The following CD200R1L variants were observed in gnomAD, a reference collection of about 807,000 sequenced individuals.
The protein encoded by CD200R1L is CD200 receptor 1 like.
CD200R1L carries 14 observed loss-of-function variants against 24.8 expected under a neutral mutation model. The ratio of observed to expected loss-of-function variants is 0.56; its 90% CI spans 0.37 to 0.88. The LOEUF (loss-of-function observed/expected upper bound fraction) is 0.88, where lower values mean the gene tolerates loss of function less well. Among genes scored for constraint, CD200R1L ranks in the 40% least tolerant of loss-of-function variants. CD200R1L has a pLI of 0.00. For synonymous variants in CD200R1L, 111 were observed against 109.2 expected (o/e 1.02, Z -0.11); for missense variants, 299 against 297.8 (o/e 1.00, Z -0.03).
intron 7 of CD200R1L, among the ~76,000 whole-genome samples, chr3:112,817,992 A>G (rs906319674): frequency 2.0e-5 from 3 of 152,214 alleles, no homozygotes; most frequent in African/African-American, 7.2e-5. Flanking sequence ...TAAACCTATC[A>G]GATCTTGAGA....
At chr3:112,843,044 A>G (rs565428099) in intron 2 of CD200R1L, among the ~76,000 whole-genome samples, 2 of 152,312 alleles carry the variant, frequency 1.3e-5, no homozygotes, top group South Asian at 2.1e-4. Context: ...GAGTCTGCCA[A>G]GCTCAGAGGA....
intron 6 of CD200R1L, 143 bp downstream of exon 6, chr3:112,826,850 G>T: frequency 1.1e-6 from 1 of 914,032 alleles, no homozygotes; most frequent in Non-Finnish European, 1.6e-6. Context: ...AGATTCTAGC[G>T]TTGTAATGCA....
intron 2 of CD200R1L, 135 bp downstream of exon 2, chr3:112,845,543 TG>T: frequency 1.5e-6 from 1 of 680,170 alleles, no homozygotes; most frequent in Non-Finnish European, 2.5e-6. Context: ...GGAGTTTTGC[TG>T]GATAATGTAC....
chr3:112,834,983 T>A (rs368552815), intron 3 of CD200R1L, among the ~76,000 whole-genome samples: 8 of 152,132 alleles, frequency 5.3e-5, no homozygotes, highest in African/African-American at 1.9e-4. Context: ...AGGGAGCTCC[T>A]AGGTCTGGGC....
intron 6 of CD200R1L, among the ~76,000 whole-genome samples, chr3:112,824,626 GA>G: frequency 6.6e-6 from 1 of 152,288 alleles, no homozygotes; most frequent in African/African-American, 2.4e-5. Flanking sequence ...TTAAGAAAAC[GA>G]AAAAGTTGAC....
In CD200R1L at chr3:112,827,433, A is replaced by G. The variant is rs1938689995; in HGVS notation, c.301T>C (p.Tyr101His). The change falls in exon 5 of 8, where the codon TAT becomes CAT. Residue 101 changes from tyrosine to histidine, a missense_variant. Transcript: ENST00000488794. The stretch of plus-strand genomic sequence containing the variant: ...GGTGTTACCACTATGCCTCTGTAAT[A>G]CCCGTCATGAGTGGTGTCCACCGGA... ...IRPVDTTHDG[Y>H]YRGIVVTPDG... is the part of the protein sequence containing the mutation. 1.9e-6 allele frequency: 3 copies of G among 1,614,116 alleles called. No individual in the cohort carries two copies.
At chr3:112,833,804 C>T (rs528980607) in intron 3 of CD200R1L, among the ~76,000 whole-genome samples, 2 of 152,288 alleles carry the variant, frequency 1.3e-5, no homozygotes, top group African/African-American at 4.8e-5. Context: ...GGATGGGTTG[C>T]CTCAGTCTGT....
chr3:112,819,243 C>T (rs1226023748), intron 7 of CD200R1L, among the ~76,000 whole-genome samples: 2 of 152,146 alleles, frequency 1.3e-5, no homozygotes, highest in Non-Finnish European at 2.9e-5. Context: ...GGTGGGGACA[C>T]AGCACCAAAC....
At chr3:112,842,180 T>C (rs762833910) in intron 2 of CD200R1L, among the ~76,000 whole-genome samples, 13 of 152,008 alleles carry the variant, frequency 8.6e-5, no homozygotes, top group Non-Finnish European at 1.8e-4. Flanking sequence ...AGCTGGGTGG[T>C]CTTCACCACC....
chr3:112,815,829 C>T lies in CD200R1L; in HGVS notation c.*134G>A. On this transcript the variant is annotated 3_prime_UTR_variant, in exon 8 of 8. Coordinates refer to ENST00000488794, the MANE Select transcript of CD200R1L (RefSeq NM_001199215.3). ...AGGATCCTTCTTCCATCTTTCTTTT[C>T]TTCTATCCTACTGAGTGGCTTCTAT... 2 of 651,324 alleles carry T rather than the reference C, an allele frequency of 3.1e-6. No individual in the cohort carries two copies. Among genetic ancestry groups the T allele is most frequent in the Non-Finnish European group, 5.6e-6 (2 of 357,344 alleles). The allele number at this position is 651,324 out of a possible 1,614,324, so 40.3% of individuals were successfully genotyped here.
At chr3:112,835,590 C>T (rs1438905715) in intron 3 of CD200R1L, among the ~76,000 whole-genome samples, 2 of 152,250 alleles carry the variant, frequency 1.3e-5, no homozygotes, top group East Asian at 3.9e-4. Flanking sequence ...GGCTTCAGGC[C>T]TTCCCAGCTT....
chr3:112,820,483 T>G (rs1172249173), intron 6 of CD200R1L, among the ~76,000 whole-genome samples: 1 of 152,132 alleles, frequency 6.6e-6, no homozygotes, highest in African/African-American at 2.4e-5. Context: ...CAGGCTCTAG[T>G]GCAGCGGCGC....
chr3:112,819,785 T>A lies in CD200R1L; in HGVS notation c.727A>T (p.Ile243Leu). Reference sequence around the variant, plus strand: ...TTCAGTTCCTACCTGACATGATTTATCCTCTGGAAGAAAACAAATCCTGTG... The same window carrying A: ...TTCAGTTCCTACCTGACATGATTTAACCTCTGGAAGAAAACAAATCCTGTG... ...VTTGFVFFQR[I>L]NHVRKVL The change falls in exon 7 of 8, where the codon ATA (isoleucine) becomes TTA (leucine). Residue 243 changes from isoleucine to leucine, a missense_variant. Ile to Leu is a conservative substitution (Grantham distance 5, BLOSUM62 2). Transcript: ENST00000488794. 9 of 1,605,854 alleles carry A rather than the reference T, an allele frequency of 5.6e-6. No individual in the cohort carries two copies. Among genetic ancestry groups the A allele is most frequent in the Non-Finnish European group, 6.8e-6 (8 of 1,177,722 alleles).
Position 112,845,758 on chromosome 3 carries a change from A to G in CD200R1L, c.-166T>C, listed in dbSNP as rs61674636. 0.013 allele frequency: 20,632 copies of G among 1,570,790 alleles called. 805 individuals are homozygous for G. In the East Asian group the frequency reaches 0.16, roughly 13 times the overall value. ...AAGTATGCTTTTGGAGTGGTTTTCT[A>G]CTTAAACATAAATCCACTTTAAATC... On this transcript the variant is annotated 5_prime_UTR_variant, in exon 2 of 8. It removes the in-frame stop codon of an upstream open reading frame in the 5' UTR. Coordinates refer to ENST00000488794, the MANE Select transcript of CD200R1L (RefSeq NM_001199215.3).
At chr3:112,833,424 G>A (rs1267702189) in intron 3 of CD200R1L, among the ~76,000 whole-genome samples, 1 of 152,178 alleles carries the variant, frequency 6.6e-6, no homozygotes, top group African/African-American at 2.4e-5. Context: ...GTCATCTGAA[G>A]CAGATAACTA....
rs1281043631 is a variant in CD200R1L, at chr3:112,827,618, C to G, written c.116G>C (p.Arg39Thr). 1.9e-6 allele frequency: 3 copies of G among 1,613,796 alleles called. No individual in the cohort carries two copies. The highest frequency in any genetic ancestry group is 4.5e-5 in the East Asian group (2 of 44,896). ...AVLCCPPIAL[R>T]NLIIITWEII... is the part of the protein sequence containing the mutation. ...TTCCCATGTTATTATGATCAAATTT[C>G]TTAATGCGATAGGAGGGCAACAAAG... The change falls in exon 5 of 8, where the codon AGA becomes ACA. Residue 39 changes from arginine (R) to threonine (T), a missense_variant. Coordinates refer to ENST00000488794, the MANE Select transcript of CD200R1L (RefSeq NM_001199215.3).
intron 4 of CD200R1L, 79 bp downstream of exon 4, chr3:112,829,240 C>A: frequency 1.8e-6 from 2 of 1,126,006 alleles, no homozygotes; most frequent in Non-Finnish European, 2.7e-6. Context: ...TGGCCTCCAG[C>A]CAGGCCATCA....
intron 3 of CD200R1L, among the ~76,000 whole-genome samples, chr3:112,835,497 G>T (rs1024993240): frequency 6.6e-6 from 1 of 152,198 alleles, no homozygotes; most frequent in Non-Finnish European, 1.5e-5. Flanking sequence ...CATGCCAGTT[G>T]GTCCATGGGT....
intron 6 of CD200R1L, among the ~76,000 whole-genome samples, 194 bp from the exon 7 acceptor site, chr3:112,820,089 G>C (rs868847895): frequency 3.9e-5 from 6 of 152,176 alleles, no homozygotes; most frequent in African/African-American, 1.4e-4. Flanking sequence ...AACCATGTTT[G>C]TGTTTTGTAC....
Sources: allele counts gnomAD v4.1 joint callset (sites outside exome capture counted in the v4.1 genomes callset), GRCh38; gene constraint gnomAD v4.1.1; transcripts MANE v1.5; gene names NCBI Gene and HGNC (gene_info 2026-07-23, HGNC 2026-07-21).